The following MTMR11 variants were observed in gnomAD, a reference collection of about 807,000 sequenced individuals.
MTMR11 encodes myotubularin related protein 11.
Under a neutral mutation model 100.0 loss-of-function variants are expected in MTMR11, and 89 were observed. The observed-to-expected ratio is 0.89, with a 90% CI of 0.75 to 1.06. The LOEUF is 1.06. MTMR11 is among the 50% of genes least tolerant of loss of function. The pLI, the probability that MTMR11 is intolerant of heterozygous loss-of-function variation, is 0.00. For missense variants in MTMR11, 809 were observed against 873.7 expected (o/e 0.93, Z 0.93); for synonymous variants, 336 against 326.3 (o/e 1.03, Z -0.32).
rs782435886 is a variant in MTMR11, at chr1:149,935,287, C to CA, written c.325+11_325+12insT. 6.2e-7 allele frequency: 1 copy of CA among 1,613,416 alleles called. No individual in the cohort carries two copies. Among genetic ancestry groups the CA allele is most frequent in the South Asian group, 1.1e-5 (1 of 91,046 alleles). Reference sequence around the variant, plus strand: ...CCAGTGAACCCCTTCACCAAACCCCCCCCCAACTTACCAGCCTCTAATCGT... The same window carrying CA: ...CCAGTGAACCCCTTCACCAAACCCCCACCCCAACTTACCAGCCTCTAATCGT... On this transcript the variant is annotated intron_variant, in intron 4 of 16. Transcript: ENST00000439741.
At chr1:149,933,385 G>A in intron 10 of MTMR11, 21 bp downstream of exon 10, 3 of 1,613,792 alleles carry the variant, frequency 1.9e-6, no homozygotes, top group Non-Finnish European at 2.5e-6. Context: ...GTGAGGGTTA[G>A]GGGTCAAAGG....
intron 8 of MTMR11, 56 bp downstream of exon 8, chr1:149,933,799 T>A (rs1255093660): frequency 6.2e-7 from 1 of 1,606,478 alleles, no homozygotes; most frequent in Non-Finnish European, 8.5e-7. Flanking sequence ...CTCCACGATG[T>A]CCCTGGCCCA....
chr1:149,932,486 T>C (rs41265156), intron 10 of MTMR11, among the ~76,000 whole-genome samples, 156 bp from the exon 11 acceptor site: 9 of 152,356 alleles, frequency 5.9e-5, no homozygotes, highest in Non-Finnish European at 1.2e-4. Context: ...TTGTACAACA[T>C]TGTAAATATA....
At position 149,931,246 on chromosome 1, in the gene MTMR11, C is replaced by T. The variant is rs369746257; in HGVS notation, c.1290+14G>A. On this transcript the variant is annotated intron_variant, in intron 13 of 16. Transcript: ENST00000439741. ...TAGTAATATGCCCCCGATGCCATCCCGAATCATTCTCACCTCTTCACTGGC... is the reference window on the plus strand; with the variant it reads ...TAGTAATATGCCCCCGATGCCATCCTGAATCATTCTCACCTCTTCACTGGC... The T allele has an allele frequency of 6.8e-6, 11 of 1,613,808 alleles. No homozygotes were observed. The highest frequency in any genetic ancestry group is 6.7e-5 in the African/African-American group (5 of 74,846).
Position 149,936,578 on chromosome 1 carries a change from T to C in MTMR11, c.66+4A>G. 6.6e-7 allele frequency: 1 copy of C among 1,524,274 alleles called. No individual in the cohort carries two copies. Among genetic ancestry groups the C allele is most frequent in the Non-Finnish European group, 8.9e-7 (1 of 1,123,074 alleles). 94.4% of individuals were successfully genotyped at this position (1,524,274 alleles called of 1,614,324 possible). On this transcript the variant is annotated splice_donor_region_variant and intron_variant, in intron 1 of 16. Coordinates refer to ENST00000439741, the MANE Select transcript of MTMR11 (RefSeq NM_001145862.2). ...CCGACACCCCCCAAATTCCTTCTCC[T>C]TACCCCCATCTCTGGCTCCTCCTTC... is the stretch of plus-strand genomic sequence containing the variant.
In MTMR11 at chr1:149,935,287, C is replaced by A. The variant is rs782575485; in HGVS notation, c.325+12G>T. 22 of 1,613,414 alleles carry A rather than the reference C, an allele frequency of 1.4e-5. No homozygotes were observed. Among genetic ancestry groups the A allele is most frequent in the Non-Finnish European group, 1.8e-5 (21 of 1,179,518 alleles). ...CCAGTGAACCCCTTCACCAAACCCC[C>A]CCCCAACTTACCAGCCTCTAATCGT... On this transcript the variant is annotated intron_variant, in intron 4 of 16. Coordinates refer to ENST00000439741, the MANE Select transcript of MTMR11 (RefSeq NM_001145862.2).
At position 149,931,954 on chromosome 1, in the gene MTMR11, T is replaced by G. The variant is rs2092665907; in HGVS notation, c.1113A>C (p.Val371=). 1 of 1,613,300 alleles carries G rather than the reference T, an allele frequency of 6.2e-7. No individual in the cohort carries two copies. The highest frequency in any genetic ancestry group is 8.5e-7 in the Non-Finnish European group (1 of 1,179,238). ...SVLVTSRVRS[V]ILQERGDRDL... is the part of the protein sequence containing the mutation. ...AACCAAGGAACTCACCTTGAAGTAT[T>G]ACAGAACGAACCCTGGATGTCACTA... The change falls in exon 12 of 17, where the codon GTA becomes GTC. Residue 371 remains valine, a synonymous_variant. Coordinates refer to ENST00000439741, the MANE Select transcript of MTMR11 (RefSeq NM_001145862.2).
chr1:149,936,115 A>G, intron 2 of MTMR11, 39 bp downstream of exon 2: 1 of 1,585,198 alleles, frequency 6.3e-7, no homozygotes, highest in South Asian at 1.1e-5. Context: ...GCGTAGGATG[A>G]AATTTGGAAG....
In MTMR11 at chr1:149,928,903, TA is replaced by T. The variant is rs782186576; in HGVS notation, c.*225del. On this transcript the variant is annotated 3_prime_UTR_variant, in exon 17 of 17. Coordinates refer to ENST00000439741, the MANE Select transcript of MTMR11 (RefSeq NM_001145862.2). ...TTATCCAGAAGGGATGGGATTGGCC[TA>T]AAAAAACCGATCAATTTCTGGATTG... 5.0e-6 allele frequency: 8 copies of T among 1,614,064 alleles called. No individual in the cohort carries two copies. Among genetic ancestry groups the T allele is most frequent in the South Asian group, 2.2e-5 (2 of 91,080 alleles).
At chr1:149,931,690 T>G in intron 12 of MTMR11, 1 of 578,054 alleles carries the variant, frequency 1.7e-6, no homozygotes, top group Non-Finnish European at 3.1e-6. Context: ...CACACTGCCC[T>G]TCCCACCCCA....
intron 12 of MTMR11, chr1:149,931,689 C>T (rs2101662529): frequency 1.7e-6 from 1 of 579,602 alleles, no homozygotes; most frequent in Non-Finnish European, 3.0e-6. Flanking sequence ...CCACACTGCC[C>T]TTCCCACCCC....
At chr1:149,933,729 G>A (rs909480649) in intron 8 of MTMR11, 31 bp from the exon 9 acceptor site, 5 of 1,613,270 alleles carry the variant, frequency 3.1e-6, no homozygotes, top group African/African-American at 1.3e-5. Context: ...GGTCATTGTG[G>A]GAGAAATGCC....
At chr1:149,936,465 C>T in intron 1 of MTMR11, 117 bp downstream of exon 1, 1 of 1,322,824 alleles carries the variant, frequency 7.6e-7, no homozygotes, top group Non-Finnish European at 1.0e-6. Context: ...TCAGCAGAAG[C>T]TGATAGACAG....
chr1:149,931,334 G>C lies in MTMR11; in HGVS notation c.1216C>G (p.Leu406Val), dbSNP rs1488835829. Residue 406 changes from leucine to valine, a missense_variant, in exon 13 of 17, where the codon CTA (leucine) becomes GTA (valine). Physicochemically the swap from Leu to Val is conservative, Grantham distance 32. Transcript: ENST00000439741. ...EARTLFGFQS[L>V]VQREWVAAGH... ...GCTGCCACCCACTCTCGCTGTACTAGTGATTGGAAGCCAAACAGTGTTCGG... is the reference window on the plus strand; with the variant it reads ...GCTGCCACCCACTCTCGCTGTACTACTGATTGGAAGCCAAACAGTGTTCGG... The C allele has an allele frequency of 3.1e-6, 5 of 1,614,110 alleles. No homozygotes were observed. The highest frequency in any genetic ancestry group is 4.2e-6 in the Non-Finnish European group (5 of 1,180,014).
chr1:149,936,109 A>C (rs781924054), intron 2 of MTMR11, 45 bp downstream of exon 2: 6 of 1,570,898 alleles, frequency 3.8e-6, no homozygotes, highest in Non-Finnish European at 5.3e-6. Context: ...AGATTGGCGT[A>C]GGATGAAATT....
Position 149,929,000 on chromosome 1 carries a change from GA to G in MTMR11, c.*128del. 2 of 1,607,810 alleles carry G rather than the reference GA, an allele frequency of 1.2e-6. No homozygotes were observed. Among genetic ancestry groups the G allele is most frequent in the Non-Finnish European group, 1.7e-6 (2 of 1,176,788 alleles). Reference sequence around the variant, plus strand: ...TAGAAACTAAGCAAGACAAGAGTTGGAGCAGTTAACACCACTATCTGCAGCA... The same window carrying G: ...TAGAAACTAAGCAAGACAAGAGTTGGGCAGTTAACACCACTATCTGCAGCA... On this transcript the variant is annotated 3_prime_UTR_variant, in exon 17 of 17. Transcript: ENST00000439741.
intron 16 of MTMR11, 121 bp downstream of exon 16, chr1:149,929,502 G>A: frequency 1.5e-6 from 2 of 1,293,112 alleles, no homozygotes; most frequent in African/African-American, 1.5e-5. Context: ...ATGCCAAGAG[G>A]AGTAGAACTT....
Position 149,936,584 on chromosome 1 carries a change from C to A in MTMR11, c.64G>T (p.Gly22Trp). Residue 22 changes from glycine to tryptophan, a missense_variant and splice_region_variant, in exon 1 of 17, where the codon GGG becomes TGG. Transcript: ENST00000439741. Reference sequence around the variant, plus strand: ...CCCCCCAAATTCCTTCTCCTTACCCCCATCTCTGGCTCCTCCTTCTGGGGG... The same window carrying A: ...CCCCCCAAATTCCTTCTCCTTACCCACATCTCTGGCTCCTCCTTCTGGGGG... Reference protein sequence around the residue: ...IAPQKEEPEMGSVQENRMPEP... With the variant: ...IAPQKEEPEMWSVQENRMPEP... The A allele has an allele frequency of 6.5e-7, 1 of 1,529,816 alleles. No individual in the cohort carries two copies. 94.8% of individuals were successfully genotyped at this position (1,529,816 alleles called of 1,614,324 possible).
chr1:149,929,988 C>T lies in MTMR11; in HGVS notation c.1648-72G>A, dbSNP rs1467733791. 4.7e-6 allele frequency: 7 copies of T among 1,482,396 alleles called. No individual in the cohort carries two copies. In the East Asian group the frequency reaches 1.4e-4, roughly 29 times the overall value. The allele number at this position is 1,482,396 out of a possible 1,614,324, so 91.8% of individuals were successfully genotyped here. The stretch of plus-strand genomic sequence containing the variant: ...CTAGTTTCCCCAATCTGGATCAGGA[C>T]AGGGTGTCCTGCTGCCACCCACTCA... On this transcript the variant is annotated intron_variant, in intron 15 of 16. Transcript: ENST00000439741.
Sources: allele counts gnomAD v4.1 joint callset (sites outside exome capture counted in the v4.1 genomes callset), GRCh38; gene constraint gnomAD v4.1.1; transcripts MANE v1.5; gene names NCBI Gene and HGNC (gene_info 2026-07-23, HGNC 2026-07-21).